Variants in TUSC3 observed in about 807,000 individuals in gnomAD.
TUSC3 encodes the protein dolichyl-diphosphooligosaccharide--protein glycosyltransferase subunit TUSC3.
In TUSC3, 45 loss-of-function variants were observed where a neutral mutation model predicts 44.8. That is an observed-to-expected ratio of 1.00 (90% CI 0.79 to 1.29). TUSC3 has a LOEUF of 1.29. Among genes scored for constraint, TUSC3 ranks in the 50% most tolerant of loss-of-function variants. The pLI, the probability that TUSC3 is intolerant of heterozygous loss-of-function variation, is 0.00. For synonymous variants in TUSC3, 212 were observed against 152.9 expected, an observed-to-expected ratio of 1.39 and a Z score of -2.85; for missense variants, 519 against 437.9, an observed-to-expected ratio of 1.19 and a Z score of -1.65.
intron 1 of TUSC3, among the ~76,000 whole-genome samples, chr8:15,554,895 G>A (rs989501264): frequency 1.3e-5 from 2 of 151,146 alleles, no homozygotes; most frequent in African/African-American, 4.9e-5. Flanking sequence ...GTGAGCCACC[G>A]CACCCGGCCA....
At chr8:15,550,070 A>G (rs998981824) in intron 1 of TUSC3, among the ~76,000 whole-genome samples, 2 of 151,706 alleles carry the variant, frequency 1.3e-5, no homozygotes, top group Non-Finnish European at 2.9e-5. Context: ...CACCTGCACC[A>G]GTAATTAGAA....
intron 6 of TUSC3, among the ~76,000 whole-genome samples, chr8:15,692,961 A>C (rs1174646928): frequency 6.6e-6 from 1 of 152,120 alleles, no homozygotes; most frequent in Non-Finnish European, 1.5e-5. Flanking sequence ...GTTTTGTCTG[A>C]AATTGGAATA....
intron 1 of TUSC3, among the ~76,000 whole-genome samples, chr8:15,423,976 T>TTTGTTTTTTTTTG (rs1563247176): frequency 2.3e-5 from 2 of 86,440 alleles, no homozygotes; most frequent in African/African-American, 1.1e-4. Context: ...TTTGTTTTTT[T>TTTGTTTTTTTTTG]TTTTTTTTTT....
intron 1 of TUSC3, among the ~76,000 whole-genome samples, chr8:15,461,440 T>C (rs56037552): frequency 0.3 from 44,830 of 151,722 alleles, 6,652 homozygotes; most frequent in East Asian, 0.38. Flanking sequence ...TCTGGTGGAG[T>C]CTTTAGGTTT....
intron 2 of TUSC3, among the ~76,000 whole-genome samples, chr8:15,527,468 C>T (rs113690664): frequency 3.3e-4 from 51 of 152,286 alleles, no homozygotes; most frequent in Admixed American, 1.0e-3. Context: ...CCACCTGCCC[C>T]GGCCTCCCAA....
Position 15,427,119 on chromosome 8 carries a change from C to T in TUSC3, n.91+9814C>T, listed in dbSNP as rs187240211. ...TTGATTTGTAAGAGTTTCTTACATA[C>T]TTTGGAAATTAACCCCTTATGAGAT... On this transcript the variant is annotated intron_variant and non_coding_transcript_variant, in intron 1 of 5. Coordinates refer to the TUSC3 transcript ENST00000503191. Among the ~76,000 whole-genome samples, 1,135 of 143,288 alleles carry T rather than the reference C, an allele frequency of 7.9e-3. 17 individuals are homozygous for T. Among genetic ancestry groups the T allele is most frequent in the African/African-American group, 0.028 (1,087 of 38,990 alleles). The allele number at this position is 143,288 out of a possible 152,430, so 94.0% of individuals were successfully genotyped here.
intron 1 of TUSC3, among the ~76,000 whole-genome samples, chr8:15,445,477 T>C (rs1800083926): frequency 6.6e-6 from 1 of 152,160 alleles, no homozygotes; most frequent in African/African-American, 2.4e-5. Flanking sequence ...TTCCGCAGTG[T>C]TTGTGTCCCT....
intron 2 of TUSC3, among the ~76,000 whole-genome samples, chr8:15,633,780 C>A (rs1396160554): frequency 6.6e-6 from 1 of 152,172 alleles, no homozygotes; most frequent in African/African-American, 2.4e-5. Flanking sequence ...CATGGCCCTA[C>A]TCATACCTTG....
the TUSC3 span, among the ~76,000 whole-genome samples, chr8:15,785,548 G>T: frequency 1.3e-5 from 2 of 151,838 alleles, no homozygotes; most frequent in Admixed American, 6.6e-5. Flanking sequence ...TCTCAGGACA[G>T]GGGGGAGTTG....
At chr8:15,733,690 A>C (rs1339414571) in intron 7 of TUSC3, 1 of 155,312 alleles carries the variant, frequency 6.4e-6, no homozygotes, top group Non-Finnish European at 1.4e-5. Flanking sequence ...TGTGTTTTTT[A>C]TTTTAGACAT....
chr8:15,474,265 AT>A (rs1164017417), intron 1 of TUSC3, among the ~76,000 whole-genome samples: 11 of 151,690 alleles, frequency 7.3e-5, no homozygotes, highest in African/African-American at 2.2e-4. Flanking sequence ...CTGATTTCAT[AT>A]TGTTCAAACA....
At chr8:15,629,309 G>T (rs1484146192) in intron 2 of TUSC3, among the ~76,000 whole-genome samples, 1 of 152,160 alleles carries the variant, frequency 6.6e-6, no homozygotes, top group Non-Finnish European at 1.5e-5. Flanking sequence ...TTAAGTAATT[G>T]TGGTAGAGAA....
At chr8:15,696,305 A>G (rs997098559) in intron 6 of TUSC3, among the ~76,000 whole-genome samples, 3 of 152,186 alleles carry the variant, frequency 2.0e-5, no homozygotes, top group Admixed American at 1.3e-4. Flanking sequence ...CGAGGGCACA[A>G]GCTCCAAGCC....
the TUSC3 span, among the ~76,000 whole-genome samples, chr8:15,811,724 T>C: frequency 3.9e-5 from 6 of 152,158 alleles, no homozygotes; most frequent in East Asian, 7.7e-4. Flanking sequence ...GCAGGATAAA[T>C]TGACTTTTTA....
intron 1 of TUSC3, among the ~76,000 whole-genome samples, chr8:15,470,767 C>T (rs1464728738): frequency 6.6e-6 from 1 of 152,028 alleles, no homozygotes; most frequent in African/African-American, 2.4e-5. Flanking sequence ...GGATTTTCTC[C>T]AGTTCCTCTG....
chr8:15,600,694 T>C (rs1804249981), intron 1 of TUSC3, among the ~76,000 whole-genome samples: 1 of 151,716 alleles, frequency 6.6e-6, no homozygotes, highest in Admixed American at 6.6e-5. Context: ...TGTTTTGCCA[T>C]GTAAGTTAAG....
At chr8:15,506,710 A>T (rs1278713398) in intron 2 of TUSC3, among the ~76,000 whole-genome samples, 2 of 152,014 alleles carry the variant, frequency 1.3e-5, no homozygotes, top group Non-Finnish European at 2.9e-5. Flanking sequence ...GCGCAGGAAA[A>T]ACCCGTCCCC....
intron 6 of TUSC3, among the ~76,000 whole-genome samples, chr8:15,708,188 AG>A (rs1222924821): frequency 6.6e-6 from 1 of 151,972 alleles, no homozygotes; most frequent in African/African-American, 2.4e-5. Context: ...AAGAAAGTAA[AG>A]AAAATACCCA....
At chr8:15,548,843 A>G (rs1222313967) in intron 1 of TUSC3, among the ~76,000 whole-genome samples, 1 of 151,814 alleles carries the variant, frequency 6.6e-6, no homozygotes, top group South Asian at 2.1e-4. Flanking sequence ...TCAATTACAT[A>G]TTAAATATCA....
Sources: allele counts gnomAD v4.1 joint callset (sites outside exome capture counted in the v4.1 genomes callset), GRCh38; gene constraint gnomAD v4.1.1; transcripts MANE v1.5; gene names NCBI Gene and HGNC (gene_info 2026-07-23, HGNC 2026-07-21).